Variants in BRF1 observed in about 807,000 individuals in gnomAD.
The protein encoded by BRF1 is BRF1 general transcription factor IIIB subunit.
A neutral mutation model predicts 81.7 loss-of-function variants in BRF1; 59 were observed. The observed-to-expected ratio is 0.72, with a 90% CI of 0.59 to 0.90. The LOEUF (loss-of-function observed/expected upper bound fraction) is 0.90. Ranked by LOEUF, BRF1 falls within the 40% of genes least tolerant of loss-of-function variation. The pLI is 0.00. For missense variants in BRF1, 1,050 were observed against 936.3 expected (o/e 1.12, Z -1.58); for synonymous variants, 491 against 395.6 (o/e 1.24, Z -2.86).
chr14:105,285,390 C>G (rs932677633), intron 2 of BRF1, among the ~76,000 whole-genome samples: 11 of 152,222 alleles, frequency 7.2e-5, no homozygotes, highest in African/African-American at 2.4e-4. Flanking sequence ...TCAGCAAGGG[C>G]ACCAAGAGGA....
At chr14:105,289,721 C>T (rs1022972001) in intron 1 of BRF1, among the ~76,000 whole-genome samples, 2 of 152,234 alleles carry the variant, frequency 1.3e-5, no homozygotes, top group African/African-American at 2.4e-5. Flanking sequence ...CTGCAACCTC[C>T]GCCTCCCGGA....
intron 12 of BRF1, 160 bp from the exon 13 acceptor site, chr14:105,219,392 G>C: frequency 1.4e-6 from 2 of 1,419,216 alleles, no homozygotes; most frequent in Middle Eastern, 2.6e-4. Flanking sequence ...TCATCGCGCG[G>C]GGCGAGTTGG....
intron 3 of BRF1, among the ~76,000 whole-genome samples, chr14:105,268,810 C>T (rs587649589): frequency 1.3e-5 from 2 of 152,316 alleles, no homozygotes; most frequent in East Asian, 3.9e-4. Context: ...TGCTGTTGCG[C>T]CCTGGCTAAA....
At chr14:105,278,189 C>A (rs956727643) in intron 2 of BRF1, among the ~76,000 whole-genome samples, 7 of 152,172 alleles carry the variant, frequency 4.6e-5, no homozygotes, top group African/African-American at 1.7e-4. Flanking sequence ...GTGGCTCATG[C>A]CTGTAGTAAT....
intron 1 of BRF1, among the ~76,000 whole-genome samples, chr14:105,296,883 C>G (rs1275117518): frequency 6.6e-6 from 1 of 152,114 alleles, no homozygotes; most frequent in Non-Finnish European, 1.5e-5. Context: ...GGGCCAGGCA[C>G]GGCAGCTCAT....
At chr14:105,245,639 T>C (rs2055040239) in intron 5 of BRF1, among the ~76,000 whole-genome samples, 1 of 152,038 alleles carries the variant, frequency 6.6e-6, no homozygotes, top group South Asian at 2.1e-4. Flanking sequence ...ACAGATGACC[T>C]TCAACAAGGG....
At position 105,221,680 on chromosome 14, in the gene BRF1, C is replaced by T. The variant is rs587734150; in HGVS notation, c.1283G>A (p.Arg428His). 1.4e-5 allele frequency: 22 copies of T among 1,610,770 alleles called. No homozygotes were observed. The highest frequency in any genetic ancestry group is 1.2e-4 in the South Asian group (11 of 90,960). The change falls in exon 11 of 18, where the codon CGC (arginine) becomes CAC (histidine). Residue 428 changes from arginine (R) to histidine (H), a missense_variant. By Grantham distance (29) the Arg-to-His change is conservative. Coordinates refer to ENST00000547530, the MANE Select transcript of BRF1 (RefSeq NM_001519.4). ...GCTGCTCTGAGAGGAGATGCATTCG[C>T]GGATGGAGTCTGAGATGCCCAGGCT... ...AASLGISDSI[R>H]ECISSQSSDP... is the part of the protein sequence containing the mutation.
chr14:105,252,527 CA>C lies in BRF1; in HGVS notation c.523del (p.Cys175AlafsTer7). The C allele has an allele frequency of 6.2e-7, 1 of 1,613,886 alleles. No homozygotes were observed. Among genetic ancestry groups the C allele is most frequent in the Non-Finnish European group, 8.5e-7 (1 of 1,179,980 alleles). On this transcript the variant is annotated frameshift_variant, in exon 5 of 18. Transcript: ENST00000547530. LOFTEE classifies it high-confidence loss of function. The part of the protein sequence containing the change: ...KTFLLLAREL[C>X]INAPAIDPCL... ...CCTACCTATGGCCGGCGCATTGATG[CA>C]GAGCTCTCTTGCCAAGAGAAGAAAC...
chr14:105,243,418 C>T (rs1301763529), intron 5 of BRF1, among the ~76,000 whole-genome samples: 3 of 150,976 alleles, frequency 2.0e-5, no homozygotes, highest in Non-Finnish European at 4.4e-5. Flanking sequence ...CCACTGCACT[C>T]CAGCCTGGGC....
intron 12 of BRF1, 94 bp from the exon 13 acceptor site, chr14:105,219,326 T>TA: frequency 6.4e-7 from 1 of 1,573,790 alleles, no homozygotes; most frequent in South Asian, 1.1e-5. Flanking sequence ...TTTCCACCGT[T>TA]AGAGGAAGGG....
chr14:105,244,075 G>A (rs1433091440), intron 5 of BRF1, among the ~76,000 whole-genome samples: 1 of 152,068 alleles, frequency 6.6e-6, no homozygotes, highest in African/African-American at 2.4e-5. Context: ...TTGGAAGGCC[G>A]AGGTGGGAGG....
rs587772604 is a variant in BRF1, at chr14:105,265,045, C to CTTT, written c.439+7673_439+7675dup. 1.2e-3 allele frequency among the ~76,000 whole-genome samples: 169 copies of CTTT among 135,218 alleles called. 1 individual carries two copies. Among genetic ancestry groups the CTTT allele is most frequent in the African/African-American group, 3.1e-3 (114 of 36,866 alleles). 88.7% of individuals were successfully genotyped at this position (135,218 alleles called of 152,430 possible). A position where few individuals can be genotyped will look rare whatever the true frequency, so the allele number is the denominator to read the frequency against. Reference sequence around the variant, plus strand: ...CATCAAGTCATAAGTTCTACTTATCCTTTTTTTTGTTTTTTTTTTGTTTGT... The same window carrying CTTT: ...CATCAAGTCATAAGTTCTACTTATCCTTTTTTTTTTTGTTTTTTTTTTGTTTGT... On this transcript the variant is annotated intron_variant, in intron 3 of 17. Transcript: ENST00000547530.
chr14:105,310,142 C>G (rs1318793854), intron 1 of BRF1, among the ~76,000 whole-genome samples: 3 of 151,938 alleles, frequency 2.0e-5, no homozygotes, highest in African/African-American at 7.3e-5. Flanking sequence ...CTCACTTATT[C>G]TTTTGTGAAT....
chr14:105,284,300 T>A lies in BRF1; in HGVS notation c.265+1996A>T, dbSNP rs1468110583. 6.6e-6 allele frequency among the ~76,000 whole-genome samples: 1 copy of A among 151,894 alleles called. No individual in the cohort carries two copies. ...GGCGCTGACTATACTCCTCTACTAG[T>A]AAGTCCACAGCAGGACAAGGAAAAA... On this transcript the variant is annotated intron_variant, in intron 2 of 17. Coordinates refer to ENST00000547530, the MANE Select transcript of BRF1 (RefSeq NM_001519.4). The surrounding 1 kb of genome is among the most constrained non-coding windows in gnomAD (Gnocchi z 4.0).
chr14:105,210,333 A>T lies in BRF1; in HGVS notation c.*218T>A. 1.7e-6 allele frequency: 1 copy of T among 586,762 alleles called. No individual in the cohort carries two copies. Among genetic ancestry groups the T allele is most frequent in the Non-Finnish European group, 3.0e-6 (1 of 330,302 alleles). 36.3% of individuals were successfully genotyped at this position (586,762 alleles called of 1,614,324 possible). ...CCTGCACACACCCGGCCCACATCTGATCACACACATGCAGACGCTTGGTCC... is the reference window on the plus strand; with the variant it reads ...CCTGCACACACCCGGCCCACATCTGTTCACACACATGCAGACGCTTGGTCC... On this transcript the variant is annotated 3_prime_UTR_variant, in exon 18 of 18. Transcript: ENST00000547530. This position sits in a 1 kb window ranked among gnomAD's most constrained non-coding sequence, Gnocchi z 4.7.
chr14:105,297,210 A>G (rs752040691), intron 1 of BRF1, among the ~76,000 whole-genome samples: 49 of 152,178 alleles, frequency 3.2e-4, no homozygotes, highest in South Asian at 6.2e-4. Flanking sequence ...CTGACAGACT[A>G]TATCAAAGAA....
intron 1 of BRF1, among the ~76,000 whole-genome samples, chr14:105,293,586 C>A (rs118035467): frequency 0.014 from 2,112 of 152,330 alleles, 25 homozygotes; most frequent in Non-Finnish European, 0.021. Context: ...GATGTGGGCT[C>A]ACAGGGAAGC....
chr14:105,266,432 T>C (rs1361993670), intron 3 of BRF1, among the ~76,000 whole-genome samples: 1 of 152,168 alleles, frequency 6.6e-6, no homozygotes, highest in Non-Finnish European at 1.5e-5. Flanking sequence ...TTTAAAAAAT[T>C]AATCAGTGTT....
At chr14:105,258,464 G>A (rs2055990327) in intron 3 of BRF1, among the ~76,000 whole-genome samples, 1 of 150,868 alleles carries the variant, frequency 6.6e-6, no homozygotes, top group Non-Finnish European at 1.5e-5. Context: ...ACTCCAGCCT[G>A]GGCGACAGAG....
Sources: gnomAD v4.1 joint callset for allele counts (sites outside exome capture counted in the v4.1 genomes callset) on GRCh38, gnomAD v4.1.1 for gene constraint, Gnocchi (gnomAD v3.1) non-coding constraint, MANE v1.5 for transcripts, NCBI Gene and HGNC (gene_info 2026-07-23, HGNC 2026-07-21) for gene names.